TFG: variants seen among roughly 807,000 people sequenced by gnomAD.
The protein encoded by TFG is protein TFG.
TFG carries 22 observed loss-of-function variants against 51.4 expected under a neutral mutation model. That is an observed-to-expected ratio of 0.43 (90% confidence interval 0.31 to 0.61). The LOEUF is 0.61. Ranked by LOEUF, TFG falls within the 20% of genes least tolerant of loss-of-function variation. TFG has a pLI of 0.12. For missense variants in TFG, 419 were observed against 487.7 expected (o/e 0.86, Z 1.33); for synonymous variants, 187 against 165.6 (o/e 1.13, Z -0.99).
chr3:100,734,578 G>C (rs1453260569), intron 5 of TFG, among the ~76,000 whole-genome samples: 2 of 152,144 alleles, frequency 1.3e-5, no homozygotes, highest in Middle Eastern at 3.2e-3. Context: ...TCTGGTTTCT[G>C]ATTGACTTTC....
chr3:100,714,617 C>G (rs922194899), intron 2 of TFG, among the ~76,000 whole-genome samples: 4 of 151,606 alleles, frequency 2.6e-5, no homozygotes, highest in Non-Finnish European at 5.9e-5. Context: ...ATTCTGGTTT[C>G]TTTTAGCTTA....
intron 7 of TFG, among the ~76,000 whole-genome samples, chr3:100,746,609 C>G (rs984694776): frequency 1.3e-5 from 2 of 151,274 alleles, no homozygotes; most frequent in Non-Finnish European, 2.9e-5. Flanking sequence ...GGAAGGGAGA[C>G]TATATATATA....
intron 2 of TFG, among the ~76,000 whole-genome samples, chr3:100,719,310 T>G (rs1044485185): frequency 6.6e-6 from 1 of 152,224 alleles, no homozygotes; most frequent in African/African-American, 2.4e-5. Flanking sequence ...CTTGCTTTCT[T>G]TAGAGAATGT....
intron 3 of TFG, among the ~76,000 whole-genome samples, chr3:100,722,290 G>A (rs894487921): frequency 2.0e-5 from 3 of 152,188 alleles, no homozygotes; most frequent in African/African-American, 7.2e-5. Flanking sequence ...AAGTGGATAG[G>A]TTAAACACAT....
intron 3 of TFG, among the ~76,000 whole-genome samples, chr3:100,725,081 T>C (rs1218480341): frequency 6.6e-6 from 1 of 152,118 alleles, no homozygotes; most frequent in African/African-American, 2.4e-5. Context: ...TTTGTTTTTG[T>C]ATTTTTAGTA....
intron 3 of TFG, among the ~76,000 whole-genome samples, chr3:100,722,657 G>A (rs916417085): frequency 3.3e-5 from 5 of 152,148 alleles, no homozygotes; most frequent in Non-Finnish European, 7.4e-5. Context: ...GATCACATAT[G>A]AAACAATTAG....
At chr3:100,720,926 T>A (rs2095059110) in intron 3 of TFG, among the ~76,000 whole-genome samples, 1 of 152,200 alleles carries the variant, frequency 6.6e-6, no homozygotes, top group East Asian at 1.9e-4. Context: ...TTGTTTTGTT[T>A]AGCATTAATT....
At chr3:100,742,975 T>C (rs1438150846) in intron 6 of TFG, 1 of 152,162 alleles carries the variant, frequency 6.6e-6, no homozygotes, top group Non-Finnish European at 1.5e-5. Flanking sequence ...AGTTCCTTAC[T>C]CATTGATGAC....
At chr3:100,742,514 A>C (rs569340136) in intron 6 of TFG, 1 of 152,196 alleles carries the variant, frequency 6.6e-6, no homozygotes, top group Non-Finnish European at 1.5e-5. Context: ...GTGGGGACCA[A>C]CCCTGACAGG....
chr3:100,711,246 G>T (rs1478410256), intron 1 of TFG, among the ~76,000 whole-genome samples: 1 of 152,122 alleles, frequency 6.6e-6, no homozygotes, highest in Non-Finnish European at 1.5e-5. Context: ...GGGATTACAG[G>T]CGTGCGCCAC....
chr3:100,729,130 T>C (rs1440770823), intron 4 of TFG, among the ~76,000 whole-genome samples: 1 of 152,214 alleles, frequency 6.6e-6, no homozygotes, highest in African/African-American at 2.4e-5. Flanking sequence ...TTTTGGGTGA[T>C]TCTTTCGCAA....
At chr3:100,734,635 T>TA (rs1300623955) in intron 5 of TFG, among the ~76,000 whole-genome samples, 1 of 152,198 alleles carries the variant, frequency 6.6e-6, no homozygotes, top group Non-Finnish European at 1.5e-5. Flanking sequence ...TTTTAGTTGT[T>TA]ACCTGGGAGA....
intron 4 of TFG, among the ~76,000 whole-genome samples, chr3:100,730,127 C>T (rs1206820281): frequency 6.6e-6 from 1 of 152,136 alleles, no homozygotes; most frequent in Non-Finnish European, 1.5e-5. Flanking sequence ...GATGCTGACA[C>T]AACATTTGCA....
intron 7 of TFG, among the ~76,000 whole-genome samples, 184 bp from the exon 8 acceptor site, chr3:100,747,965 A>C (rs2095149209): frequency 6.6e-6 from 1 of 152,160 alleles, no homozygotes; most frequent in African/African-American, 2.4e-5. Context: ...AAAATTGTAG[A>C]GAATGCCTCT....
In TFG at chr3:100,732,505, C is replaced by A; in HGVS notation, c.416-3C>A. The A allele has an allele frequency of 6.3e-7, 1 of 1,597,354 alleles. No individual in the cohort carries two copies. Among genetic ancestry groups the A allele is most frequent in the East Asian group, 2.2e-5 (1 of 44,598 alleles). On this transcript the variant is annotated splice_polypyrimidine_tract_variant and splice_region_variant and intron_variant, in intron 4 of 7. Coordinates refer to ENST00000240851, the MANE Select transcript of TFG (RefSeq NM_006070.6). ...GTTTTTGTTTATTCCTCTATTTTTA[C>A]AGATACTGTGGATGGTAGGGAAGAA...
intron 4 of TFG, 97 bp from the exon 5 acceptor site, chr3:100,732,411 A>G (rs749401466): frequency 8.1e-5 from 60 of 740,856 alleles, no homozygotes; most frequent in East Asian, 2.5e-4. Context: ...ATTCCAGACT[A>G]TCATTATACA....
chr3:100,731,179 G>T (rs1283917328), intron 4 of TFG, among the ~76,000 whole-genome samples: 1 of 152,114 alleles, frequency 6.6e-6, no homozygotes, highest in Non-Finnish European at 1.5e-5. Flanking sequence ...TCATTTACTT[G>T]CTTGGTAACA....
At chr3:100,735,847 A>G (rs1057272314) in intron 5 of TFG, among the ~76,000 whole-genome samples, 5 of 152,148 alleles carry the variant, frequency 3.3e-5, no homozygotes, top group African/African-American at 1.2e-4. Context: ...AGCCCGGCCA[A>G]AAGAGTGCAG....
At chr3:100,724,385 T>C (rs1165732537) in intron 3 of TFG, among the ~76,000 whole-genome samples, 1 of 152,188 alleles carries the variant, frequency 6.6e-6, no homozygotes, top group Non-Finnish European at 1.5e-5. Flanking sequence ...AAAATTTATA[T>C]ATACCATGAA....
Sources: gnomAD v4.1 joint callset for allele counts (sites outside exome capture counted in the v4.1 genomes callset) on GRCh38, gnomAD v4.1.1 for gene constraint, MANE v1.5 for transcripts, NCBI Gene and HGNC (gene_info 2026-07-23, HGNC 2026-07-21) for gene names.